Variants in CEP57L1 observed in about 807,000 individuals in gnomAD.
CEP57L1 encodes the protein centrosomal protein CEP57L1.
Under a neutral mutation model 61.0 loss-of-function variants are expected in CEP57L1, and 37 were observed. The observed-to-expected ratio is 0.61, with a 90% CI of 0.47 to 0.80. The LOEUF is 0.80. Ranked by LOEUF, CEP57L1 falls within the 30% of genes least tolerant of loss-of-function variation. The pLI is 0.00. For synonymous variants in CEP57L1, 137 were observed against 162.3 expected (o/e 0.84, Z 1.19); for missense variants, 422 against 524.7 (o/e 0.80, Z 1.91).
chr6:109,144,063 A>G (rs1033554147), intron 1 of CEP57L1, among the ~76,000 whole-genome samples: 1 of 152,202 alleles, frequency 6.6e-6, no homozygotes, highest in Non-Finnish European at 1.5e-5. Flanking sequence ...ACTAATCACA[A>G]TAGCAAAATA....
At chr6:109,141,266 T>C (rs555775102) in intron 1 of CEP57L1, among the ~76,000 whole-genome samples, 1 of 151,360 alleles carries the variant, frequency 6.6e-6, no homozygotes, top group African/African-American at 2.4e-5. Flanking sequence ...CCTGTGCTAG[T>C]GTGTAGTGGC....
intron 1 of CEP57L1, among the ~76,000 whole-genome samples, chr6:109,117,097 T>G (rs975288025): frequency 9.9e-5 from 15 of 152,154 alleles, no homozygotes; most frequent in Non-Finnish European, 5.9e-5. Flanking sequence ...ATTTCAAAAT[T>G]TTGTAGAATG....
intron 10 of CEP57L1, among the ~76,000 whole-genome samples, chr6:109,162,440 T>C (rs1254103605): frequency 6.6e-6 from 1 of 152,092 alleles, no homozygotes; most frequent in Non-Finnish European, 1.5e-5. Context: ...TTCTTACATA[T>C]ACACTTTTTG....
Position 109,159,930 on chromosome 6 carries a change from G to A in CEP57L1, c.1016+468G>A, listed in dbSNP as rs544848257. Among the ~76,000 whole-genome samples the A allele has an allele frequency of 3.3e-5, 5 of 152,186 alleles. 1 individual carries two copies. In the South Asian group the frequency reaches 1.0e-3, roughly 32 times the overall value. On this transcript the variant is annotated intron_variant, in intron 9 of 10. Coordinates refer to ENST00000517392, the MANE Select transcript of CEP57L1 (RefSeq NM_001271852.3). ...TCCTTTTGTGTTTTAGAATCTTTTA[G>A]CTGAATGAATTATTTCATTAGACAA...
intron 1 of CEP57L1, among the ~76,000 whole-genome samples, chr6:109,098,157 C>T (rs1781939833): frequency 6.6e-6 from 1 of 151,374 alleles, no homozygotes; most frequent in African/African-American, 2.4e-5. Flanking sequence ...TCTCTCTCTC[C>T]CTCTGTCTCA....
At chr6:109,107,441 T>C (rs1430321673) in intron 1 of CEP57L1, among the ~76,000 whole-genome samples, 1 of 152,224 alleles carries the variant, frequency 6.6e-6, no homozygotes, top group Non-Finnish European at 1.5e-5. Flanking sequence ...AGTTGCTTAA[T>C]AGTCTTTCTA....
rs751724541 is a variant in CEP57L1 at position 109,167,420 on chromosome 6, C to A, written c.*4450C>A. On this transcript the variant is annotated 3_prime_UTR_variant, in exon 11 of 11. Transcript: ENST00000517392. ...ATTTGGGGCTGAGCACTGTGTCTTA[C>A]GCCTGTAATCCCAGCACTGTGAGAG... Among the ~76,000 whole-genome samples the A allele has an allele frequency of 6.6e-6, 1 of 151,886 alleles. No individual in the cohort carries two copies. The highest frequency in any genetic ancestry group is 1.5e-5 in the Non-Finnish European group (1 of 67,994).
chr6:109,102,752 AG>A, intron 1 of CEP57L1, among the ~76,000 whole-genome samples: 1 of 152,336 alleles, frequency 6.6e-6, no homozygotes, highest in East Asian at 1.9e-4. Context: ...TAATATTAAA[AG>A]GTGAAAAACT....
chr6:109,115,746 A>T (rs938987146), intron 1 of CEP57L1, among the ~76,000 whole-genome samples: 4 of 152,184 alleles, frequency 2.6e-5, no homozygotes, highest in Non-Finnish European at 5.9e-5. Flanking sequence ...TTTTTTATAC[A>T]TATTCAATTA....
intron 1 of CEP57L1, among the ~76,000 whole-genome samples, 192 bp from the exon 2 acceptor site, chr6:109,145,027 T>A (rs1771803723): frequency 6.6e-6 from 1 of 152,016 alleles, no homozygotes; most frequent in Non-Finnish European, 1.5e-5. Context: ...TCAGTACTGC[T>A]TACACAAGAA....
At chr6:109,155,954 C>T (rs1408969704) in intron 7 of CEP57L1, 77 bp downstream of exon 7, 1 of 629,810 alleles carries the variant, frequency 1.6e-6, no homozygotes, top group Non-Finnish European at 2.7e-6. Context: ...CTTATACCTA[C>T]CCCTTTCCAA....
intron 1 of CEP57L1, among the ~76,000 whole-genome samples, chr6:109,142,407 A>G (rs763530028): frequency 3.9e-5 from 6 of 152,306 alleles, no homozygotes; most frequent in Non-Finnish European, 7.4e-5. Context: ...TGGGAGTTGA[A>G]CATTGAGAAC....
intron 1 of CEP57L1, among the ~76,000 whole-genome samples, chr6:109,119,077 A>G (rs1243266047): frequency 6.6e-6 from 1 of 152,168 alleles, no homozygotes; most frequent in East Asian, 1.9e-4. Context: ...TGTCTTACAT[A>G]ATGGGCAAGA....
intron 1 of CEP57L1, among the ~76,000 whole-genome samples, chr6:109,140,991 C>T (rs1469969924): frequency 2.6e-5 from 4 of 151,292 alleles, no homozygotes; most frequent in African/African-American, 4.9e-5. Context: ...CCACCACACC[C>T]GGCTAATTTT....
rs759389630 is a variant in CEP57L1, at chr6:109,174,109, A to AAAAAAAAAAAC, written c.*11144_*11145insAAAAACAAAAA. On this transcript the variant is annotated 3_prime_UTR_variant, in exon 11 of 11. Coordinates refer to ENST00000517392, the MANE Select transcript of CEP57L1 (RefSeq NM_001271852.3). ...AGTGAGTCTTGGTCTCAAAAAAAAA[A>AAAAAAAAAAAC]AAAAACCTTGTGTTGGAAACCATCT... 9.5e-3 allele frequency among the ~76,000 whole-genome samples: 1,404 copies of AAAAAAAAAAAC among 148,264 alleles called. 33 individuals carry two copies. Among genetic ancestry groups the AAAAAAAAAAAC allele is most frequent in the African/African-American group, 0.031 (1,236 of 39,868 alleles).
rs981272494 is a variant in CEP57L1 at position 109,174,189 on chromosome 6, A to C, written c.*11219A>C. Among the ~76,000 whole-genome samples, 8 of 152,122 alleles carry C rather than the reference A, an allele frequency of 5.3e-5. No homozygotes were observed. Among genetic ancestry groups the C allele is most frequent in the Non-Finnish European group, 8.8e-5 (6 of 68,018 alleles). On this transcript the variant is annotated 3_prime_UTR_variant, in exon 11 of 11. Transcript: ENST00000517392. ...TAATGGATATAAATTACAGTGTCTAAGATGGATACTTTACTCTTTTCTTTT... is the reference window on the plus strand; with the variant it reads ...TAATGGATATAAATTACAGTGTCTACGATGGATACTTTACTCTTTTCTTTT...
intron 1 of CEP57L1, among the ~76,000 whole-genome samples, chr6:109,098,298 C>T (rs751586831): frequency 6.6e-6 from 1 of 152,148 alleles, no homozygotes; most frequent in Non-Finnish European, 1.5e-5. Flanking sequence ...CAGGCATGCA[C>T]CACCATACCT....
At chr6:109,157,813 T>C (rs1056443121) in intron 7 of CEP57L1, 5 of 152,184 alleles carry the variant, frequency 3.3e-5, no homozygotes, top group African/African-American at 1.2e-4. Flanking sequence ...TTTTAGATGG[T>C]AACTGACAGC....
At chr6:109,150,059 C>T (rs1772427613) in intron 3 of CEP57L1, 59 bp from the exon 4 acceptor site, 4 of 1,058,362 alleles carry the variant, frequency 3.8e-6, no homozygotes, top group African/African-American at 1.6e-5. Context: ...ATCATGTCAT[C>T]TGCAAACAGG....
Sources: gnomAD v4.1 joint callset for allele counts (sites outside exome capture counted in the v4.1 genomes callset) on GRCh38, gnomAD v4.1.1 for gene constraint, MANE v1.5 for transcripts, NCBI Gene and HGNC (gene_info 2026-07-23, HGNC 2026-07-21) for gene names.